Variants in KIAA0319L observed in about 807,000 individuals in gnomAD.
KIAA0319L encodes the protein KIAA0319 like.
In KIAA0319L, 55 loss-of-function variants were observed where a neutral mutation model predicts 120.1. The observed-to-expected ratio is 0.46, with a 90% CI of 0.37 to 0.57. The LOEUF (loss-of-function observed/expected upper bound fraction) is 0.57. Ranked by LOEUF, KIAA0319L falls within the 20% of genes least tolerant of loss-of-function variation. The pLI is 0.00. For synonymous variants in KIAA0319L, 398 were observed against 471.9 expected (o/e 0.84, Z 2.03); for missense variants, 1,049 against 1,255.3 (o/e 0.84, Z 2.48).
chr1:35,511,861 C>A (rs1160451227), intron 2 of KIAA0319L, among the ~76,000 whole-genome samples: 1 of 151,780 alleles, frequency 6.6e-6, no homozygotes, highest in Non-Finnish European at 1.5e-5. Flanking sequence ...ATAGAAATAT[C>A]CCCCCTCATA....
At chr1:35,485,220 T>C (rs1644342753) in intron 3 of KIAA0319L, among the ~76,000 whole-genome samples, 1 of 152,150 alleles carries the variant, frequency 6.6e-6, no homozygotes, top group Admixed American at 6.5e-5. Flanking sequence ...CTATTTATTG[T>C]TTTTAATAAC....
intron 3 of KIAA0319L, among the ~76,000 whole-genome samples, chr1:35,480,816 A>C (rs1008495453): frequency 6.6e-6 from 1 of 152,136 alleles, no homozygotes; most frequent in Admixed American, 6.5e-5. Flanking sequence ...GTTGAAATAT[A>C]ATTCACATAA....
chr1:35,466,598 G>A lies in KIAA0319L; in HGVS notation c.1201+10C>T, dbSNP rs1643280343. ...GAGGAAGGGAGACACAGCCAGGGCT[G>A]AAAACATACCTGGCTTGACTGTCAC... On this transcript the variant is annotated intron_variant, in intron 7 of 20. Coordinates refer to ENST00000325722, the MANE Select transcript of KIAA0319L (RefSeq NM_024874.5). 6.2e-7 allele frequency: 1 copy of A among 1,602,372 alleles called. No homozygotes were observed. Among genetic ancestry groups the A allele is most frequent in the Admixed American group, 1.7e-5 (1 of 59,976 alleles).
chr1:35,486,380 A>G (rs75185401), intron 3 of KIAA0319L, among the ~76,000 whole-genome samples: 223 of 118,846 alleles, frequency 1.9e-3, no homozygotes, highest in East Asian at 0.011. Context: ...TCTCAAGAAA[A>G]AAAAAAAAAA....
chr1:35,460,039 T>A (rs1217846917), intron 9 of KIAA0319L, among the ~76,000 whole-genome samples: 11 of 152,004 alleles, frequency 7.2e-5, no homozygotes, highest in East Asian at 1.9e-4. Context: ...CTAAAAAAAA[T>A]TTTTGGAGAC....
At chr1:35,444,539 G>T (rs1320811738) in intron 16 of KIAA0319L, among the ~76,000 whole-genome samples, 1 of 152,168 alleles carries the variant, frequency 6.6e-6, no homozygotes, top group Admixed American at 6.5e-5. Flanking sequence ...AGTTGATTAT[G>T]GCAGAGCCAG....
At chr1:35,444,029 A>G (rs1641425787) in intron 17 of KIAA0319L, 132 bp downstream of exon 17, 1 of 749,574 alleles carries the variant, frequency 1.3e-6, no homozygotes, top group African/African-American at 1.8e-5. Flanking sequence ...TTTCATGGTA[A>G]TAGTAGTGCA....
At chr1:35,512,145 C>A (rs1645472672) in intron 2 of KIAA0319L, among the ~76,000 whole-genome samples, 1 of 151,990 alleles carries the variant, frequency 6.6e-6, no homozygotes, top group Admixed American at 6.6e-5. Flanking sequence ...TGGCACACAT[C>A]TGTAATCCCA....
intron 3 of KIAA0319L, among the ~76,000 whole-genome samples, chr1:35,484,662 T>G (rs1223326761): frequency 6.6e-6 from 1 of 151,198 alleles, no homozygotes; most frequent in Non-Finnish European, 1.5e-5. Flanking sequence ...GGCTAGGACC[T>G]CTACTACAAT....
intron 20 of KIAA0319L, among the ~76,000 whole-genome samples, chr1:35,436,313 G>A (rs1303805782): frequency 1.3e-5 from 2 of 152,242 alleles, no homozygotes; most frequent in Non-Finnish European, 2.9e-5. Flanking sequence ...CTGTGCCTGT[G>A]CCACATGCTC....
chr1:35,524,959 G>C (rs1440989935), intron 2 of KIAA0319L, among the ~76,000 whole-genome samples: 1 of 152,104 alleles, frequency 6.6e-6, no homozygotes, highest in Non-Finnish European at 1.5e-5. Context: ...CTAGCTGTGT[G>C]TATATACTCA....
intron 2 of KIAA0319L, among the ~76,000 whole-genome samples, chr1:35,512,330 CAAA>C (rs34968521): frequency 7.3e-6 from 1 of 136,196 alleles, no homozygotes; most frequent in African/African-American, 2.8e-5. Context: ...AAACTTTGAC[CAAA>C]AAAAAAAAAA....
intron 2 of KIAA0319L, among the ~76,000 whole-genome samples, chr1:35,528,506 T>C (rs945894102): frequency 2.6e-5 from 4 of 152,248 alleles, no homozygotes; most frequent in Non-Finnish European, 4.4e-5. Context: ...ATTTTGATTT[T>C]TAAAAATGTG....
At chr1:35,450,708 A>G (rs1490738130) in intron 13 of KIAA0319L, among the ~76,000 whole-genome samples, 199 bp from the exon 14 acceptor site, 1 of 152,174 alleles carries the variant, frequency 6.6e-6, no homozygotes, top group Non-Finnish European at 1.5e-5. Context: ...CTACCCAGAG[A>G]AATGTTCTCC....
At chr1:35,537,875 G>C (rs1210076577) in intron 2 of KIAA0319L, among the ~76,000 whole-genome samples, 2 of 151,982 alleles carry the variant, frequency 1.3e-5, no homozygotes, top group East Asian at 3.9e-4. Flanking sequence ...TAATTTCTTA[G>C]GGCTCTTATT....
At chr1:35,528,964 A>C (rs1464649154) in intron 2 of KIAA0319L, among the ~76,000 whole-genome samples, 1 of 151,916 alleles carries the variant, frequency 6.6e-6, no homozygotes, top group African/African-American at 2.4e-5. Flanking sequence ...ATTTTTTTCC[A>C]TCCCTTTACT....
chr1:35,462,270 T>C (rs115716331), intron 8 of KIAA0319L, among the ~76,000 whole-genome samples: 1 of 152,244 alleles, frequency 6.6e-6, no homozygotes, highest in African/African-American at 2.4e-5. Flanking sequence ...CTTGCTATGA[T>C]TGGAAGGAAC....
At chr1:35,482,198 T>A (rs1018593016) in intron 3 of KIAA0319L, among the ~76,000 whole-genome samples, 1 of 152,090 alleles carries the variant, frequency 6.6e-6, no homozygotes, top group Non-Finnish European at 1.5e-5. Flanking sequence ...CCCTTTTTTT[T>A]GAGAGGGGCA....
At chr1:35,500,290 T>A (rs978661830) in intron 3 of KIAA0319L, among the ~76,000 whole-genome samples, 2 of 152,204 alleles carry the variant, frequency 1.3e-5, no homozygotes, top group African/African-American at 4.8e-5. Context: ...ATGTACACAA[T>A]TAATTGGCTG....
Sources: gnomAD v4.1 joint callset for allele counts (sites outside exome capture counted in the v4.1 genomes callset) on GRCh38, gnomAD v4.1.1 for gene constraint, MANE v1.5 for transcripts, NCBI Gene and HGNC (gene_info 2026-07-23, HGNC 2026-07-21) for gene names.